The following GNG4 variants were observed in gnomAD, a reference collection of about 807,000 sequenced individuals.
GNG4 encodes guanine nucleotide-binding protein G(I)/G(S)/G(O) subunit gamma-4.
GNG4 carries 4 observed loss-of-function variants against 5.8 expected under a neutral mutation model. The observed-to-expected ratio is 0.69, with a 90% CI of 0.34 to 1.57. The LOEUF (loss-of-function observed/expected upper bound fraction) is 1.57, where lower values mean the gene tolerates loss of function less well. Among genes scored for constraint, GNG4 ranks in the 40% most tolerant of loss-of-function variants. The pLI, the probability that GNG4 is intolerant of heterozygous loss-of-function variation, is 0.06. For missense variants in GNG4, 96 were observed against 95.1 expected (o/e 1.01, Z -0.04); for synonymous variants, 29 against 32.9 (o/e 0.88, Z 0.41).
chr1:235,607,105 A>AT (rs1003724975), intron 1 of GNG4, among the ~76,000 whole-genome samples: 4 of 150,788 alleles, frequency 2.7e-5, no homozygotes, highest in South Asian at 2.1e-4. Context: ...CACCCAGCTA[A>AT]TTTTTTTTTA....
At position 235,644,147 on chromosome 1, in the gene GNG4, C is replaced by T. The variant is rs1657434471; in HGVS notation, c.-123+5515G>A. The stretch of plus-strand genomic sequence containing the variant: ...GCCTTCCAGAGACAGGGCTGGGTGG[C>T]GGGAACGCGGGCACCCAGAGGTCCA... On this transcript the variant is annotated intron_variant, in intron 1 of 3. Coordinates refer to ENST00000391854, the MANE Select transcript of GNG4 (RefSeq NM_001098722.2). The surrounding 1 kb of genome is among the most constrained non-coding windows in gnomAD (Gnocchi z 5.9). 6.6e-6 allele frequency among the ~76,000 whole-genome samples: 1 copy of T among 152,146 alleles called. No individual in the cohort carries two copies.
chr1:235,627,993 G>A (rs1026553185), intron 1 of GNG4, among the ~76,000 whole-genome samples: 5 of 151,918 alleles, frequency 3.3e-5, no homozygotes, highest in African/African-American at 7.3e-5. Flanking sequence ...CCAGCCCGAC[G>A]AACATGAAGA....
intron 1 of GNG4, among the ~76,000 whole-genome samples, chr1:235,606,841 C>CT (rs1295223759): frequency 2.0e-5 from 3 of 151,610 alleles, no homozygotes; most frequent in Non-Finnish European, 2.9e-5. Flanking sequence ...GCCTTTGGCC[C>CT]AAAGCAGCAT....
chr1:235,563,403 CAAAAAAAAAAAAAAA>C (rs57471662), intron 3 of GNG4, among the ~76,000 whole-genome samples: 1 of 52,386 alleles, frequency 1.9e-5, no homozygotes, highest in African/African-American at 6.5e-5. Context: ...GAAACTGTCT[CAAAAAAAAAAAAAAA>C]AAAAAAAAAA....
At chr1:235,556,712 A>G (rs561249653) in intron 3 of GNG4, among the ~76,000 whole-genome samples, 6 of 150,486 alleles carry the variant, frequency 4.0e-5, no homozygotes, top group African/African-American at 1.5e-4. Context: ...GGAGGATTCA[A>G]GTGCATTAGA....
At chr1:235,623,135 CCTGTTT>C (rs984794816) in intron 1 of GNG4, among the ~76,000 whole-genome samples, 40 of 152,150 alleles carry the variant, frequency 2.6e-4, no homozygotes, top group African/African-American at 8.7e-4. Context: ...GGCACCTTTT[CCTGTTT>C]CCCTGACCAG....
chr1:235,566,920 GT>G (rs1687211548), intron 3 of GNG4: 1 of 151,866 alleles, frequency 6.6e-6, no homozygotes, highest in Non-Finnish European at 1.5e-5. Flanking sequence ...AGATAACTTT[GT>G]CTTGAAAGCA....
At position 235,550,808 on chromosome 1, in the gene GNG4, T is replaced by C. The variant is rs1376029926; in HGVS notation, c.*1301A>G. Reference sequence around the variant, plus strand: ...AGAGCAAGACTCTGTCTCAAAAAGATAAATAAATAAAATAAAACAGACATG... The same window carrying C: ...AGAGCAAGACTCTGTCTCAAAAAGACAAATAAATAAAATAAAACAGACATG... On this transcript the variant is annotated 3_prime_UTR_variant, in exon 4 of 4. Coordinates refer to ENST00000391854, the MANE Select transcript of GNG4 (RefSeq NM_001098722.2). 3 of 151,436 alleles carry C rather than the reference T, an allele frequency of 2.0e-5. No homozygotes were observed. The highest frequency in any genetic ancestry group is 7.3e-5 in the African/African-American group (3 of 40,850). The allele number at this position is 151,436 out of a possible 1,614,324, so 9.4% of individuals were successfully genotyped here.
At chr1:235,580,979 T>C (rs1042360280) in intron 3 of GNG4, among the ~76,000 whole-genome samples, 7 of 152,170 alleles carry the variant, frequency 4.6e-5, no homozygotes, top group Non-Finnish European at 2.9e-5. Flanking sequence ...CTCGAACTCC[T>C]GACCTCAGGT....
intron 1 of GNG4, among the ~76,000 whole-genome samples, chr1:235,602,456 C>T (rs1202779713): frequency 2.0e-5 from 3 of 152,152 alleles, no homozygotes; most frequent in Non-Finnish European, 1.5e-5. Flanking sequence ...TGGCTTCTTA[C>T]TTCTGGGCTC....
At chr1:235,616,282 G>T in intron 1 of GNG4, 1 of 462,704 alleles carries the variant, frequency 2.2e-6, no homozygotes, top group South Asian at 1.7e-5. Context: ...TCTGCCAAGA[G>T]GATGGGAGGA....
intron 1 of GNG4, among the ~76,000 whole-genome samples, chr1:235,613,674 C>T (rs952310370): frequency 2.0e-5 from 3 of 152,192 alleles, no homozygotes; most frequent in African/African-American, 7.2e-5. Context: ...AAACACAGCT[C>T]TGCCAACAGC....
At chr1:235,647,458 C>T (rs1657541037) in intron 1 of GNG4, among the ~76,000 whole-genome samples, 1 of 152,006 alleles carries the variant, frequency 6.6e-6, no homozygotes, top group Non-Finnish European at 1.5e-5. Flanking sequence ...AAGTGAGATG[C>T]AGCTATAAAT....
chr1:235,556,137 G>C (rs1686900297), intron 3 of GNG4, among the ~76,000 whole-genome samples: 2 of 151,926 alleles, frequency 1.3e-5, no homozygotes, highest in African/African-American at 4.8e-5. Flanking sequence ...AAAGTGCTGG[G>C]ATTACAGGCA....
chr1:235,607,443 T>C (rs1364629799), intron 1 of GNG4, among the ~76,000 whole-genome samples: 2 of 152,186 alleles, frequency 1.3e-5, no homozygotes, highest in Non-Finnish European at 2.9e-5. Context: ...TGTTGTTCAA[T>C]GAGGTTGCTG....
intron 1 of GNG4, among the ~76,000 whole-genome samples, chr1:235,616,905 A>ATTTT (rs553175038): frequency 0.048 from 5,591 of 115,594 alleles, 308 homozygotes; most frequent in African/African-American, 0.11. Flanking sequence ...CACCTGGCTA[A>ATTTT]TTTTTTTTTT....
At chr1:235,596,222 A>G (rs1043582849) in intron 1 of GNG4, among the ~76,000 whole-genome samples, 4 of 145,146 alleles carry the variant, frequency 2.8e-5, no homozygotes, top group African/African-American at 1.0e-4. Context: ...ACACACACAC[A>G]CACACACACA....
rs1317238003 is a variant in GNG4 at position 235,547,872 on chromosome 1, G to A, written c.*4237C>T. 6.6e-6 allele frequency: 1 copy of A among 152,128 alleles called. No individual in the cohort carries two copies. The highest frequency in any genetic ancestry group is 6.6e-5 in the Admixed American group (1 of 15,264). 9.4% of individuals were successfully genotyped at this position (152,128 alleles called of 1,614,324 possible). On this transcript the variant is annotated 3_prime_UTR_variant, in exon 4 of 4. Coordinates refer to ENST00000391854, the MANE Select transcript of GNG4 (RefSeq NM_001098722.2). ...CCGCTTCTGGTTACTGTCTTCTTAG[G>A]ACTGATCTCTACTTGCAACCGCATG... is the stretch of plus-strand genomic sequence containing the variant.
At chr1:235,603,101 G>A (rs1267875117) in intron 1 of GNG4, among the ~76,000 whole-genome samples, 1 of 152,018 alleles carries the variant, frequency 6.6e-6, no homozygotes, top group Non-Finnish European at 1.5e-5. Context: ...AAATTAGCCA[G>A]GTGTGGTGGC....
Sources: allele counts gnomAD v4.1 joint callset (sites outside exome capture counted in the v4.1 genomes callset), GRCh38; gene constraint gnomAD v4.1.1; non-coding constraint Gnocchi (gnomAD v3.1); transcripts MANE v1.5; gene names NCBI Gene and HGNC (gene_info 2026-07-23, HGNC 2026-07-21).